The following CDH12 variants were observed in gnomAD, a reference collection of about 807,000 sequenced individuals.
CDH12 encodes cadherin 12, also known as cadherin-12.
A neutral mutation model predicts 74.1 loss-of-function variants in CDH12; 41 were observed. The observed-to-expected ratio is 0.55, with a 90% CI of 0.43 to 0.72. The LOEUF (loss-of-function observed/expected upper bound fraction) is 0.72, where lower values mean the gene tolerates loss of function less well. Ranked by LOEUF, CDH12 falls within the 30% of genes least tolerant of loss-of-function variation. The probability of loss-of-function intolerance (pLI) is 0.00; values close to 1 mark genes in which losing one functional copy is unlikely to be tolerated. For synonymous variants in CDH12, 399 were observed against 355.0 expected (o/e 1.12, Z -1.39); for missense variants, 945 against 977.2 (o/e 0.97, Z 0.44).
At chr5:22,647,474 A>G (rs894460819) in intron 1 of CDH12, among the ~76,000 whole-genome samples, 1 of 151,770 alleles carries the variant, frequency 6.6e-6, no homozygotes, top group African/African-American at 2.4e-5. Flanking sequence ...GGGAAGTTCA[A>G]CATCAAGTTG....
chr5:22,702,939 A>G (rs972839464), intron 1 of CDH12, among the ~76,000 whole-genome samples: 7 of 152,126 alleles, frequency 4.6e-5, no homozygotes, highest in African/African-American at 1.4e-4. Flanking sequence ...TGCAATAAGC[A>G]GTCTTTTTCC....
chr5:22,765,997 C>T (rs951085692), intron 1 of CDH12, among the ~76,000 whole-genome samples: 4 of 151,568 alleles, frequency 2.6e-5, no homozygotes, highest in Admixed American at 6.6e-5. Context: ...TTAAAAGAAA[C>T]TAAAATGGTC....
chr5:21,983,900 T>A (rs1249549936), intron 5 of CDH12, among the ~76,000 whole-genome samples: 2 of 152,160 alleles, frequency 1.3e-5, no homozygotes, highest in African/African-American at 4.8e-5. Flanking sequence ...AGGATTTCTT[T>A]AAGTGTTCTT....
intron 2 of CDH12, among the ~76,000 whole-genome samples, chr5:22,452,394 T>A (rs1745078036): frequency 6.6e-6 from 1 of 151,834 alleles, no homozygotes; most frequent in African/African-American, 2.4e-5. Flanking sequence ...TGGAACAGAA[T>A]AAAGAACTTG....
chr5:22,201,671 CA>C (rs1363515777), intron 4 of CDH12, among the ~76,000 whole-genome samples: 3 of 151,688 alleles, frequency 2.0e-5, no homozygotes, highest in South Asian at 2.1e-4. Flanking sequence ...TAAATATATA[CA>C]AAAAAATGGG....
chr5:22,340,698 T>C (rs943738947), intron 3 of CDH12, among the ~76,000 whole-genome samples: 7 of 152,206 alleles, frequency 4.6e-5, no homozygotes, highest in Non-Finnish European at 1.5e-5. Flanking sequence ...TTAAATATTC[T>C]ATAGACAATA....
chr5:22,228,434 T>A (rs1276114590), intron 3 of CDH12, among the ~76,000 whole-genome samples: 1 of 152,152 alleles, frequency 6.6e-6, no homozygotes, highest in Non-Finnish European at 1.5e-5. Flanking sequence ...GTAACTATGT[T>A]AACATTTAGT....
chr5:22,585,729 T>A (rs74627085), intron 1 of CDH12, among the ~76,000 whole-genome samples: 5 of 151,826 alleles, frequency 3.3e-5, no homozygotes, highest in African/African-American at 1.2e-4. Flanking sequence ...ATTTTTTTTT[T>A]AAAGTTTAAT....
intron 3 of CDH12, among the ~76,000 whole-genome samples, chr5:22,319,217 T>C (rs1738757295): frequency 6.6e-6 from 1 of 152,182 alleles, no homozygotes; most frequent in South Asian, 2.1e-4. Context: ...GTGCTCCAGT[T>C]ATATGAATTA....
intron 3 of CDH12, among the ~76,000 whole-genome samples, chr5:22,287,121 G>C (rs570830859): frequency 6.6e-6 from 1 of 152,134 alleles, no homozygotes; most frequent in Non-Finnish European, 1.5e-5. Context: ...CTGGTTGACC[G>C]TAAGAGAATA....
At chr5:22,233,560 T>C (rs981143931) in intron 3 of CDH12, among the ~76,000 whole-genome samples, 1 of 152,146 alleles carries the variant, frequency 6.6e-6, no homozygotes, top group African/African-American at 2.4e-5. Context: ...TTCTTTACTG[T>C]TTGATATAAA....
intron 3 of CDH12, among the ~76,000 whole-genome samples, chr5:22,233,314 A>G (rs1345071560): frequency 6.6e-6 from 1 of 151,960 alleles, no homozygotes; most frequent in Admixed American, 6.6e-5. Flanking sequence ...AAATATATAT[A>G]TATAGTTAAA....
intron 6 of CDH12, among the ~76,000 whole-genome samples, chr5:21,916,753 G>A (rs10035584): frequency 0.74 from 112,597 of 151,930 alleles, 44,284 homozygotes; most frequent in East Asian, 0.93. Context: ...GATGCTGTCC[G>A]ATGCAACTAA....
chr5:22,742,150 C>G (rs896358954), intron 1 of CDH12, among the ~76,000 whole-genome samples: 1 of 151,042 alleles, frequency 6.6e-6, no homozygotes, highest in Admixed American at 6.6e-5. Flanking sequence ...CCACTGTACT[C>G]CAGCCTGGGT....
intron 8 of CDH12, among the ~76,000 whole-genome samples, chr5:21,838,871 G>A (rs1157050154): frequency 6.6e-6 from 1 of 152,130 alleles, no homozygotes; most frequent in African/African-American, 2.4e-5. Context: ...CTACAAACCA[G>A]CCTTCATCCA....
At chr5:22,544,475 A>G (rs1738232421) in intron 1 of CDH12, among the ~76,000 whole-genome samples, 1 of 152,154 alleles carries the variant, frequency 6.6e-6, no homozygotes, top group South Asian at 2.1e-4. Flanking sequence ...TATGTATAAT[A>G]TTAGAATCTC....
In CDH12 at chr5:22,541,120, C is replaced by A. The variant is rs534040033; in HGVS notation, c.-522-35756G>T. ...AGTAAGTTCTATGTAAGAGTCATTT[C>A]TTTGGGGAGGATTAATTGTAGCTAT... is the stretch of plus-strand genomic sequence containing the variant. On this transcript the variant is annotated intron_variant, in intron 1 of 14. Transcript: ENST00000382254. Among the ~76,000 whole-genome samples the A allele has an allele frequency of 5.9e-5, 9 of 152,262 alleles. No individual in the cohort carries two copies. The South Asian group carries it at 1.9e-3, about 32-fold the overall frequency.
intron 5 of CDH12, among the ~76,000 whole-genome samples, chr5:22,065,504 T>C (rs1247283491): frequency 6.6e-6 from 1 of 152,116 alleles, no homozygotes; most frequent in Admixed American, 6.6e-5. Context: ...TAAATGAATG[T>C]GAAATGTCAC....
At chr5:22,493,326 T>A (rs1268389918) in intron 2 of CDH12, among the ~76,000 whole-genome samples, 1 of 152,180 alleles carries the variant, frequency 6.6e-6, no homozygotes, top group African/African-American at 2.4e-5. Flanking sequence ...CACCCTCAAC[T>A]GCAATGTGAA....
Sources: gnomAD v4.1 joint callset for allele counts (sites outside exome capture counted in the v4.1 genomes callset) on GRCh38, gnomAD v4.1.1 for gene constraint, MANE v1.5 for transcripts, NCBI Gene and HGNC (gene_info 2026-07-23, HGNC 2026-07-21) for gene names.